PHACTR1: variants seen among roughly 807,000 people sequenced by gnomAD.
PHACTR1 encodes the protein RPEL repeat containing 1.
Under a neutral mutation model 69.2 loss-of-function variants are expected in PHACTR1, and 16 were observed. The observed-to-expected ratio is 0.23, with a 90% confidence interval of 0.16 to 0.35. The LOEUF is 0.35. PHACTR1 is among the 10% of genes least tolerant of loss of function. The pLI is 1.00. For missense variants in PHACTR1, 510 were observed against 734.7 expected, an observed-to-expected ratio of 0.69 and a Z score of 3.54; for synonymous variants, 312 against 284.5, an observed-to-expected ratio of 1.10 and a Z score of -0.97.
At chr6:13,007,765 A>G (rs1562125834) in intron 4 of PHACTR1, among the ~76,000 whole-genome samples, 1 of 152,004 alleles carries the variant, frequency 6.6e-6, no homozygotes, top group Non-Finnish European at 1.5e-5. Flanking sequence ...TGCTGCAATC[A>G]AAAAACTACA....
intron 4 of PHACTR1, among the ~76,000 whole-genome samples, chr6:13,052,965 G>T (rs1479649082): frequency 6.6e-6 from 1 of 152,154 alleles, no homozygotes; most frequent in Non-Finnish European, 1.5e-5. Flanking sequence ...TTTTTTCTCA[G>T]TAGACAGTGC....
chr6:13,278,387 C>T (rs1038218478), intron 12 of PHACTR1, 58 bp downstream of exon 12: 2 of 1,493,638 alleles, frequency 1.3e-6, no homozygotes. Context: ...CCTGCCACAC[C>T]TCTGCCCTCT....
chr6:12,893,853 C>T, intron 4 of PHACTR1, among the ~76,000 whole-genome samples: 1 of 152,206 alleles, frequency 6.6e-6, no homozygotes, highest in Non-Finnish European at 1.5e-5. Context: ...AGCAAAGCAG[C>T]CCTGTTGCTG....
chr6:13,187,462 A>C (rs1762965594), intron 7 of PHACTR1, among the ~76,000 whole-genome samples: 1 of 152,204 alleles, frequency 6.6e-6, no homozygotes, highest in Non-Finnish European at 1.5e-5. Context: ...GAGTTGGCTG[A>C]GTAGGGGTGG....
chr6:13,230,464 T>C (rs1770682814), intron 10 of PHACTR1: 2 of 557,216 alleles, frequency 3.6e-6, no homozygotes, highest in Non-Finnish European at 2.8e-6. Flanking sequence ...GAGGATTGCT[T>C]GAATCTGGGA....
chr6:13,055,866 G>T (rs1189545662), intron 5 of PHACTR1, among the ~76,000 whole-genome samples: 1 of 152,226 alleles, frequency 6.6e-6, no homozygotes, highest in Non-Finnish European at 1.5e-5. Context: ...GAGAAAGAAT[G>T]GAAACATGTG....
chr6:12,936,745 G>A (rs985193430), intron 4 of PHACTR1, among the ~76,000 whole-genome samples: 3 of 152,250 alleles, frequency 2.0e-5, no homozygotes, highest in South Asian at 4.1e-4. Flanking sequence ...TCAAGAATTA[G>A]CTCCTTTGAG....
At chr6:12,792,576 C>G (rs1190468177) in intron 4 of PHACTR1, among the ~76,000 whole-genome samples, 2 of 150,510 alleles carry the variant, frequency 1.3e-5, no homozygotes, top group Non-Finnish European at 3.0e-5. Context: ...TGCTATAGAC[C>G]TCACAATCAT....
chr6:12,866,207 T>C (rs146003795), intron 4 of PHACTR1, among the ~76,000 whole-genome samples: 4 of 152,302 alleles, frequency 2.6e-5, no homozygotes, highest in African/African-American at 4.8e-5. Flanking sequence ...AAGCTGATGG[T>C]GGTGTTTCTG....
intron 5 of PHACTR1, among the ~76,000 whole-genome samples, chr6:13,067,274 A>G (rs1408978410): frequency 6.6e-6 from 1 of 152,134 alleles, no homozygotes; most frequent in African/African-American, 2.4e-5. Flanking sequence ...GCTTAGGGAG[A>G]CTCAATAATT....
intron 5 of PHACTR1, among the ~76,000 whole-genome samples, chr6:13,149,062 C>T (rs1823882790): frequency 7.3e-5 from 1 of 13,684 alleles, no homozygotes; most frequent in African/African-American, 9.3e-5. Context: ...AAATGTTTAC[C>T]AGAACATTTG....
At chr6:12,913,619 A>G (rs1010603672) in intron 4 of PHACTR1, among the ~76,000 whole-genome samples, 2 of 152,238 alleles carry the variant, frequency 1.3e-5, no homozygotes, top group African/African-American at 4.8e-5. Context: ...CTGGAGTAGC[A>G]TAATGCATCG....
At chr6:12,848,905 C>G (rs192195777) in intron 4 of PHACTR1, among the ~76,000 whole-genome samples, 29 of 152,020 alleles carry the variant, frequency 1.9e-4, no homozygotes, top group Admixed American at 1.6e-3. Flanking sequence ...CACTAAAATG[C>G]CAAGGAAATC....
Position 13,064,592 on chromosome 6 carries a change from ATATATATATATATC to A in PHACTR1, c.415+11071_415+11084del, listed in dbSNP as rs1561776300. Among the ~76,000 whole-genome samples the A allele has an allele frequency of 7.6e-3, 62 of 8,120 alleles. 2 individuals are homozygous for A. The highest frequency in any genetic ancestry group is 9.1e-3 in the African/African-American group (14 of 1,534). 5.3% of individuals were successfully genotyped at this position (8,120 alleles called of 152,430 possible). A position where few individuals can be genotyped will look rare whatever the true frequency, so the allele number is the denominator to read the frequency against. On this transcript the variant is annotated intron_variant, in intron 5 of 14. Coordinates refer to ENST00000332995, the MANE Select transcript of PHACTR1 (RefSeq NM_030948.6). The stretch of plus-strand genomic sequence containing the variant: ...TATATATATATATATATATATATAT[ATATATATATATATC>A]TATATATCTATCTATCCACACTTGC...
At chr6:12,878,088 T>C (rs1324354591) in intron 4 of PHACTR1, among the ~76,000 whole-genome samples, 1 of 152,206 alleles carries the variant, frequency 6.6e-6, no homozygotes, top group East Asian at 1.9e-4. Context: ...TCATGCTTTT[T>C]CCACCTCAGA....
At chr6:12,900,198 A>AT (rs1785052331) in intron 4 of PHACTR1, among the ~76,000 whole-genome samples, 1 of 151,762 alleles carries the variant, frequency 6.6e-6, no homozygotes, top group Non-Finnish European at 1.5e-5. Flanking sequence ...TGAACTTAAG[A>AT]TTTTTTACTT....
chr6:12,773,694 T>A (rs1769677262), intron 4 of PHACTR1, among the ~76,000 whole-genome samples: 1 of 152,136 alleles, frequency 6.6e-6, no homozygotes, highest in African/African-American at 2.4e-5. Flanking sequence ...CAACTTGGCA[T>A]TTAAAAAAAA....
chr6:13,286,724 C>CA (rs1334378202), intron 14 of PHACTR1, among the ~76,000 whole-genome samples: 1 of 152,230 alleles, frequency 6.6e-6, no homozygotes, highest in African/African-American at 2.4e-5. Context: ...TGCTAGTTAG[C>CA]AACAGAGCCA....
chr6:12,798,068 A>ACACACACACC (rs758442149), intron 4 of PHACTR1, among the ~76,000 whole-genome samples: 4 of 149,912 alleles, frequency 2.7e-5, no homozygotes, highest in Admixed American at 1.3e-4. Context: ...ACACACACAC[A>ACACACACACC]CCCCTACATA....
Sources: gnomAD v4.1 joint callset for allele counts (sites outside exome capture counted in the v4.1 genomes callset) on GRCh38, gnomAD v4.1.1 for gene constraint, MANE v1.5 for transcripts, NCBI Gene and HGNC (gene_info 2026-07-23, HGNC 2026-07-21) for gene names.